Variants in CAAP1 observed in about 807,000 individuals in gnomAD.
The protein encoded by CAAP1 is conserved anti-apoptotic protein.
CAAP1 carries 20 observed loss-of-function variants against 34.0 expected under a neutral mutation model. That is an observed-to-expected ratio of 0.59 (90% CI 0.41 to 0.86). CAAP1 has a LOEUF of 0.86. Ranked by LOEUF, CAAP1 falls within the 40% of genes least tolerant of loss-of-function variation. The pLI, the probability that CAAP1 is intolerant of heterozygous loss-of-function variation, is 0.00. For synonymous variants in CAAP1, 213 were observed against 166.7 expected (o/e 1.28, Z -2.14); for missense variants, 538 against 450.5 (o/e 1.19, Z -1.76).
chr9:26,873,087 T>G (rs1370668826), intron 4 of CAAP1, among the ~76,000 whole-genome samples: 1 of 152,100 alleles, frequency 6.6e-6, no homozygotes, highest in African/African-American at 2.4e-5. Flanking sequence ...ACATGGTCTC[T>G]ACAAAAAATT....
At chr9:26,874,206 CAAAAA>C (rs34601727) in intron 4 of CAAP1, among the ~76,000 whole-genome samples, 3 of 53,228 alleles carry the variant, frequency 5.6e-5, no homozygotes, top group African/African-American at 7.3e-5. Context: ...GACTCTGTCT[CAAAAA>C]AAAAAAAAAA....
chr9:26,866,171 C>G (rs12348667), intron 4 of CAAP1, among the ~76,000 whole-genome samples: 1 of 151,960 alleles, frequency 6.6e-6, no homozygotes, highest in Non-Finnish European at 1.5e-5. Context: ...TAAATGGACA[C>G]TAATAAAATG....
intron 3 of CAAP1, 81 bp downstream of exon 3, chr9:26,886,023 A>G: frequency 1.8e-6 from 1 of 564,560 alleles, no homozygotes; most frequent in Admixed American, 3.7e-5. Context: ...ATATCCAAGT[A>G]GGAGAAAGAA....
At chr9:26,845,522 C>A (rs1348513745) in intron 5 of CAAP1, among the ~76,000 whole-genome samples, 1 of 152,074 alleles carries the variant, frequency 6.6e-6, no homozygotes, top group Non-Finnish European at 1.5e-5. Context: ...ATTACAAGCA[C>A]GTGCCACCAC....
In CAAP1 at chr9:26,841,311, T is replaced by C. The variant is rs1409887670; in HGVS notation, c.*990A>G. 4 of 152,592 alleles carry C rather than the reference T, an allele frequency of 2.6e-5. No individual in the cohort carries two copies. The highest frequency in any genetic ancestry group is 7.2e-5 in the African/African-American group (3 of 41,452). 9.5% of individuals were successfully genotyped at this position (152,592 alleles called of 1,614,324 possible). ...GGATCTCTACGTAAATTTATTTTGG[T>C]ATCAAACAACTGCAATTAGTGATGG... On this transcript the variant is annotated 3_prime_UTR_variant, in exon 6 of 6. Coordinates refer to ENST00000333916, the MANE Select transcript of CAAP1 (RefSeq NM_024828.4).
chr9:26,852,597 A>G (rs950786457), intron 5 of CAAP1, among the ~76,000 whole-genome samples: 2 of 152,172 alleles, frequency 1.3e-5, no homozygotes, highest in African/African-American at 4.8e-5. Flanking sequence ...TACTGGTGTA[A>G]ATAAGTTTAG....
chr9:26,868,346 A>G (rs181139760), intron 4 of CAAP1, among the ~76,000 whole-genome samples: 137 of 152,330 alleles, frequency 9.0e-4, no homozygotes, highest in African/African-American at 2.9e-3. Context: ...AGAAATGGCA[A>G]TATCACCCTG....
In CAAP1 at chr9:26,841,286, G is replaced by A. The variant is rs183005052; in HGVS notation, c.*1015C>T. On this transcript the variant is annotated 3_prime_UTR_variant, in exon 6 of 6. Transcript: ENST00000333916. Reference sequence around the variant, plus strand: ...AAAAAATTAATTTATTTTAAGTTAAGGATCTCTACGTAAATTTATTTTGGT... The same window carrying A: ...AAAAAATTAATTTATTTTAAGTTAAAGATCTCTACGTAAATTTATTTTGGT... 12 of 152,434 alleles carry A rather than the reference G, an allele frequency of 7.9e-5. No homozygotes were observed. In the East Asian group the frequency reaches 2.3e-3, roughly 29 times the overall value. The allele number at this position is 152,434 out of a possible 1,614,324, so 9.4% of individuals were successfully genotyped here.
chr9:26,881,084 G>A (rs1198162593), intron 4 of CAAP1, among the ~76,000 whole-genome samples: 1 of 152,226 alleles, frequency 6.6e-6, no homozygotes, highest in East Asian at 1.9e-4. Flanking sequence ...TGAGGTGGGA[G>A]GACAGTTTGA....
At chr9:26,856,492 C>A (rs759647810) in intron 5 of CAAP1, among the ~76,000 whole-genome samples, 9 of 152,162 alleles carry the variant, frequency 5.9e-5, no homozygotes, top group Non-Finnish European at 1.2e-4. Context: ...TTCCTAAGTA[C>A]AAACAATGCA....
chr9:26,871,922 TA>T (rs1343435907), intron 4 of CAAP1, among the ~76,000 whole-genome samples: 2 of 150,276 alleles, frequency 1.3e-5, no homozygotes, highest in Admixed American at 6.6e-5. Flanking sequence ...TCAAAATAAA[TA>T]AATAAATAAA....
intron 4 of CAAP1, among the ~76,000 whole-genome samples, chr9:26,879,665 G>A (rs1169568358): frequency 6.6e-6 from 1 of 152,194 alleles, no homozygotes; most frequent in East Asian, 1.9e-4. Flanking sequence ...CTAGAATAAA[G>A]CAGGCAGGAA....
intron 1 of CAAP1, among the ~76,000 whole-genome samples, chr9:26,890,157 G>T (rs562404370): frequency 6.6e-6 from 1 of 152,072 alleles, no homozygotes; most frequent in East Asian, 1.9e-4. Context: ...ATCACCTGAG[G>T]TCAGGAGTTG....
rs1446025270 is a variant in CAAP1, at chr9:26,892,426, C to T, written c.290G>A (p.Gly97Asp). 4.4e-6 allele frequency: 7 copies of T among 1,604,002 alleles called. No homozygotes were observed. Among genetic ancestry groups the T allele is most frequent in the Non-Finnish European group, 5.1e-6 (6 of 1,177,438 alleles). The change falls in exon 1 of 6, where the codon GGC becomes GAC. Residue 97 changes from glycine (G) to aspartate (D), a missense_variant. By Grantham distance (94) the Gly-to-Asp change is moderately conservative (BLOSUM62 -1). Coordinates refer to ENST00000333916, the MANE Select transcript of CAAP1 (RefSeq NM_024828.4). ...RRSTDSSSVS[G>D]SLQQETKYIL... ...GCGCGCACGCACCTGCTGCAAGGAG[C>T]CCGAGACGCTGGAAGAGTCGGTACT...
At chr9:26,848,157 C>G (rs1031562557) in intron 5 of CAAP1, among the ~76,000 whole-genome samples, 5 of 152,162 alleles carry the variant, frequency 3.3e-5, no homozygotes, top group African/African-American at 1.2e-4. Flanking sequence ...GGTTTAAATA[C>G]TTTAGCATAA....
At chr9:26,874,650 A>C (rs959814478) in intron 4 of CAAP1, among the ~76,000 whole-genome samples, 5 of 152,198 alleles carry the variant, frequency 3.3e-5, no homozygotes, top group Admixed American at 2.0e-4. Flanking sequence ...CACAGTTCCT[A>C]ATCTTCATCC....
intron 5 of CAAP1, among the ~76,000 whole-genome samples, chr9:26,847,943 A>G (rs1415841893): frequency 6.6e-5 from 10 of 152,102 alleles, no homozygotes; most frequent in African/African-American, 2.4e-4. Context: ...ACGTATGTTC[A>G]ATTTGCTGTC....
At position 26,887,440 on chromosome 9, in the gene CAAP1, C is replaced by A; in HGVS notation, c.377G>T (p.Gly126Val). The A allele has an allele frequency of 6.2e-7, 1 of 1,613,680 alleles. No individual in the cohort carries two copies. Among genetic ancestry groups the A allele is most frequent in the Non-Finnish European group, 8.5e-7 (1 of 1,179,848 alleles). Residue 126 changes from glycine to valine, a missense_variant, in exon 2 of 6, where the codon GGA becomes GTA. Around this residue, in one of 3 missense-constraint regions of CAAP1, gnomAD observed 514 missense variants for 408.4 expected, o/e 1.26. Coordinates refer to ENST00000333916, the MANE Select transcript of CAAP1 (RefSeq NM_024828.4). ...TTTCAATGACACAGTCAGGTCCAGT[C>A]CACCTTCTTCAAGGTCACTGTGCTC... ...LAEHSDLEEG[G>V]LDLTVSLKPV... is the part of the protein sequence containing the mutation.
At chr9:26,859,806 T>G (rs1312409249) in intron 5 of CAAP1, among the ~76,000 whole-genome samples, 2 of 152,196 alleles carry the variant, frequency 1.3e-5, no homozygotes, top group East Asian at 1.9e-4. Flanking sequence ...ACAGGACTTT[T>G]GAAAAGCAAT....
Sources: gnomAD v4.1 joint callset for allele counts (sites outside exome capture counted in the v4.1 genomes callset) on GRCh38, gnomAD v4.1.1 for gene constraint, gnomAD v4.1.1 regional missense constraint, MANE v1.5 for transcripts, NCBI Gene and HGNC (gene_info 2026-07-23, HGNC 2026-07-21) for gene names.